SPEG: variants seen among roughly 807,000 people sequenced by gnomAD.
The protein encoded by SPEG is striated muscle preferentially expressed protein kinase.
A neutral mutation model predicts 300.4 loss-of-function variants in SPEG; 114 were observed. That is an observed-to-expected ratio of 0.38 (90% CI 0.33 to 0.44). SPEG has a LOEUF of 0.44. Ranked by LOEUF, SPEG falls within the 20% of genes least tolerant of loss-of-function variation. The pLI, the probability that SPEG is intolerant of heterozygous loss-of-function variation, is 1.00. For synonymous variants in SPEG, 1,964 were observed against 2,018.9 expected, an observed-to-expected ratio of 0.97 and a Z score of 0.73; for missense variants, 4,201 against 4,586.2, an observed-to-expected ratio of 0.92 and a Z score of 2.43.
In SPEG at chr2:219,481,689, A is replaced by C; in HGVS notation, c.5565+9A>C. The C allele has an allele frequency of 1.2e-6, 2 of 1,613,818 alleles. No homozygotes were observed. The highest frequency in any genetic ancestry group is 1.7e-6 in the Non-Finnish European group (2 of 1,179,662). On this transcript the variant is annotated intron_variant, in intron 28 of 40. Transcript: ENST00000312358. The surrounding 1 kb of genome is among the most constrained non-coding windows in gnomAD (Gnocchi z 5.4). Reference sequence around the variant, plus strand: ...AACATCCTTGGTTCAAAGTGAGTCTAGTCTGCAAAGTGGTGGCACAAAAGG... The same window carrying C: ...AACATCCTTGGTTCAAAGTGAGTCTCGTCTGCAAAGTGGTGGCACAAAAGG...
At position 219,444,915 on chromosome 2, in the gene SPEG, G is replaced by A. The variant is rs897545621; in HGVS notation, c.569G>A (p.Ser190Asn). The A allele has an allele frequency of 6.3e-6, 10 of 1,576,336 alleles. No homozygotes were observed. Among genetic ancestry groups the A allele is most frequent in the Non-Finnish European group, 8.6e-6 (10 of 1,161,420 alleles). ...GAGGAGCAAGTGAGCTGGTGGGGCAGCGGGCAGACGGTCCTGGAGCAGGAA... is the reference window on the plus strand; with the variant it reads ...GAGGAGCAAGTGAGCTGGTGGGGCAACGGGCAGACGGTCCTGGAGCAGGAA... ...TSEEQVSWWGSGQTVLEQEAG... is the reference protein window; with the variant it reads ...TSEEQVSWWGNGQTVLEQEAG... The change falls in exon 3 of 41, where the codon AGC (serine) becomes AAC (asparagine). Residue 190 changes from serine (S) to asparagine (N), a missense_variant. Transcript: ENST00000312358. This position sits in a 1 kb window ranked among gnomAD's most constrained non-coding sequence, Gnocchi z 7.8.
Position 219,492,803 on chromosome 2 carries a change from C to T in SPEG, c.*17C>T. 6.4e-7 allele frequency: 1 copy of T among 1,562,108 alleles called. No individual in the cohort carries two copies. The highest frequency in any genetic ancestry group is 1.9e-4 in the Middle Eastern group (1 of 5,168). ...GGCCCCTAGAGGCACGGACCACAGC[C>T]AGGCCTCGGGCTTCAACTGGGGTTC... is the stretch of plus-strand genomic sequence containing the variant. On this transcript the variant is annotated 3_prime_UTR_variant, in exon 41 of 41. Coordinates refer to ENST00000312358, the MANE Select transcript of SPEG (RefSeq NM_005876.5).
At chr2:219,449,515 G>C (rs1689580335) in intron 4 of SPEG, among the ~76,000 whole-genome samples, 1 of 152,164 alleles carries the variant, frequency 6.6e-6, no homozygotes, top group African/African-American at 2.4e-5. Flanking sequence ...ATGGAGGCTA[G>C]GTGAGGCTGA....
In SPEG at chr2:219,442,173, T is replaced by G. The variant is rs1191800057; in HGVS notation, c.389-2480T>G. 4.1e-5 allele frequency: 35 copies of G among 853,078 alleles called. No homozygotes were observed. The African/African-American group carries it at 5.9e-4, about 14-fold the overall frequency. The allele number at this position is 853,078 out of a possible 1,614,324, so 52.8% of individuals were successfully genotyped here. ...GGCGGGTCACCGCAGCTGGGCCCGG[T>G]GGAGGGGGCGCTGGATCGGCGCCTG... On this transcript the variant is annotated intron_variant, in intron 1 of 40. Coordinates refer to ENST00000312358, the MANE Select transcript of SPEG (RefSeq NM_005876.5).
At chr2:219,462,810 T>A (rs1488649479) in intron 8 of SPEG, among the ~76,000 whole-genome samples, 1 of 152,078 alleles carries the variant, frequency 6.6e-6, no homozygotes, top group Non-Finnish European at 1.5e-5. Flanking sequence ...CCCAGCTACT[T>A]GGGAGGCTGA....
rs780136663 is a variant in SPEG at position 219,448,386 on chromosome 2, C to A, written c.1228C>A (p.Arg410=). 12 of 1,552,208 alleles carry A rather than the reference C, an allele frequency of 7.7e-6. No individual in the cohort carries two copies. Among genetic ancestry groups the A allele is most frequent in the African/African-American group, 1.4e-5 (1 of 72,662 alleles). ...ILDKLQFFEE[R]RRSLERSDSP... is the part of the protein sequence containing the mutation. ...GGACAAGCTGCAGTTCTTCGAGGAGCGACGGCGCAGCCTGGAGCGCAGCGA... is the reference window on the plus strand; with the variant it reads ...GGACAAGCTGCAGTTCTTCGAGGAGAGACGGCGCAGCCTGGAGCGCAGCGA... Residue 410 remains arginine (R), a synonymous_variant, in exon 4 of 41, where the codon CGA becomes AGA. Coordinates refer to ENST00000312358, the MANE Select transcript of SPEG (RefSeq NM_005876.5).
In SPEG at chr2:219,484,323, C is replaced by T. The variant is rs770861376; in HGVS notation, c.6860C>T (p.Pro2287Leu). Residue 2287 changes from proline to leucine, a missense_variant, in exon 30 of 41, where the codon CCG becomes CTG. Physicochemically the swap from Pro to Leu is moderately conservative, Grantham distance 98. Coordinates refer to ENST00000312358, the MANE Select transcript of SPEG (RefSeq NM_005876.5). ...TTTGCCAGGGTGGCCTCCCCACCTC[C>T]GGGAGCCCCCGAGAAGCGCGTGCCC... Reference protein sequence around the residue: ...AVFARVASPPPGAPEKRVPSA... With the variant: ...AVFARVASPPLGAPEKRVPSA... The T allele has an allele frequency of 4.1e-5, 65 of 1,603,778 alleles. No homozygotes were observed. In the Middle Eastern group the frequency reaches 9.9e-4, roughly 24 times the overall value.
rs921024361 is a variant in SPEG, at chr2:219,445,311, A to G, written c.815+150A>G. The stretch of plus-strand genomic sequence containing the variant: ...CCCCCTGCTGCCACTCCATCTTCCC[A>G]CACTGCTCCCTCCTCCTCCTGAGCC... On this transcript the variant is annotated intron_variant, in intron 3 of 40. Coordinates refer to ENST00000312358, the MANE Select transcript of SPEG (RefSeq NM_005876.5). The surrounding 1 kb of genome is among the most constrained non-coding windows in gnomAD (Gnocchi z 6.1). The G allele has an allele frequency of 8.2e-5, 65 of 794,228 alleles. No individual in the cohort carries two copies. The African/African-American group carries it at 9.0e-4, about 11-fold the overall frequency. 49.2% of individuals were successfully genotyped at this position (794,228 alleles called of 1,614,324 possible). A position where few individuals can be genotyped will look rare whatever the true frequency, so the allele number is the denominator to read the frequency against.
In SPEG at chr2:219,445,242, C is replaced by A; in HGVS notation, c.815+81C>A. ...GCTGCCCTCACTGCTCAGTCAGCCT[C>A]CACCCATCACCCTGCCCCATCCATC... On this transcript the variant is annotated intron_variant, in intron 3 of 40. Coordinates refer to ENST00000312358, the MANE Select transcript of SPEG (RefSeq NM_005876.5). The surrounding 1 kb of genome is among the most constrained non-coding windows in gnomAD (Gnocchi z 6.1). 7.8e-7 allele frequency: 1 copy of A among 1,276,048 alleles called. No individual in the cohort carries two copies. Among genetic ancestry groups the A allele is most frequent in the Non-Finnish European group, 1.1e-6 (1 of 900,116 alleles). 79.0% of individuals were successfully genotyped at this position (1,276,048 alleles called of 1,614,324 possible).
chr2:219,487,577 C>T (rs1693556297), intron 31 of SPEG, among the ~76,000 whole-genome samples: 1 of 152,180 alleles, frequency 6.6e-6, no homozygotes, highest in South Asian at 2.1e-4. Flanking sequence ...GCTCTCACCA[C>T]TTAATTGACC....
Position 219,439,477 on chromosome 2 carries a change from G to T in SPEG, c.388+4112G>T, listed in dbSNP as rs545745125. On this transcript the variant is annotated intron_variant, in intron 1 of 40. Coordinates refer to ENST00000312358, the MANE Select transcript of SPEG (RefSeq NM_005876.5). The surrounding 1 kb of genome is among the most constrained non-coding windows in gnomAD (Gnocchi z 4.5). The stretch of plus-strand genomic sequence containing the variant: ...GAGAGAAGGGAGAAACTGAACTGAG[G>T]CAGGAAAGAGGAGACAAAAGGGAGG... Among the ~76,000 whole-genome samples, 5 of 152,314 alleles carry T rather than the reference G, an allele frequency of 3.3e-5. No homozygotes were observed. The East Asian group carries it at 5.8e-4, about 18-fold the overall frequency.
At chr2:219,485,211 G>A (rs1693278341) in intron 30 of SPEG, 135 bp from the exon 31 acceptor site, 2 of 1,483,000 alleles carry the variant, frequency 1.3e-6, no homozygotes, top group Non-Finnish European at 1.8e-6. Flanking sequence ...CAGGGCTGGA[G>A]GGGAGGAAAG....
intron 1 of SPEG, 84 bp downstream of exon 1, chr2:219,435,449 A>G: frequency 7.5e-7 from 1 of 1,335,628 alleles, no homozygotes; most frequent in African/African-American, 1.5e-5. Context: ...CGGGTAAGGT[A>G]CTGGATACTG....
rs1220670924 is a variant in SPEG at position 219,451,626 on chromosome 2, G to A, written c.2259G>A (p.Val753=). ...CCGGGTCCCTGTGCCTCCCCACAGT[G>A]TCCTGGCACAAGGATGGGTCAGCGC... ...CIITANPPPQ[V]SWHKDGSALR... Residue 753 remains valine, a splice_region_variant and synonymous_variant, in exon 6 of 41, where the codon GTG becomes GTA. Transcript: ENST00000312358. The surrounding 1 kb of genome is among the most constrained non-coding windows in gnomAD (Gnocchi z 6.4). The A allele has an allele frequency of 3.9e-6, 6 of 1,556,792 alleles. No homozygotes were observed. Among genetic ancestry groups the A allele is most frequent in the Non-Finnish European group, 5.2e-6 (6 of 1,152,362 alleles).
chr2:219,476,155 ATATG>A (rs1277546162), intron 18 of SPEG, among the ~76,000 whole-genome samples: 2 of 102,900 alleles, frequency 1.9e-5, no homozygotes, highest in Admixed American at 2.1e-4. Context: ...TGACCATGTG[ATATG>A]TATGGAGAAT....
Position 219,464,842 on chromosome 2 carries a change from T to G in SPEG, c.2881+234T>G. 2 of 504,584 alleles carry G rather than the reference T, an allele frequency of 4.0e-6. No individual in the cohort carries two copies. Among genetic ancestry groups the G allele is most frequent in the Non-Finnish European group, 7.1e-6 (2 of 282,782 alleles). 31.3% of individuals were successfully genotyped at this position (504,584 alleles called of 1,614,324 possible). A position where few individuals can be genotyped will look rare whatever the true frequency, so the allele number is the denominator to read the frequency against. ...GCTCAGCTTACTACACAACACCACC[T>G]TCCCTGTTGCTCCATCACGGAGCCC... On this transcript the variant is annotated intron_variant, in intron 9 of 40. Coordinates refer to ENST00000312358, the MANE Select transcript of SPEG (RefSeq NM_005876.5). This position sits in a 1 kb window ranked among gnomAD's most constrained non-coding sequence, Gnocchi z 4.5.
rs1315591056 is a variant in SPEG, at chr2:219,483,890, C to A, written c.6427C>A (p.Arg2143Ser). ...QGEAEPRGRH[R>S]RAGAPLEIPV... is the part of the protein sequence containing the mutation. ...TGAGGCGGAGCCCCGGGGCCGGCACCGCCGAGCGGGGGCGCCCCTCGAGAT... is the reference window on the plus strand; with the variant it reads ...TGAGGCGGAGCCCCGGGGCCGGCACAGCCGAGCGGGGGCGCCCCTCGAGAT... Residue 2143 changes from arginine to serine, a missense_variant, in exon 30 of 41, where the codon CGC (arginine) becomes AGC (serine). Arg to Ser is a moderately radical substitution (Grantham distance 110). Transcript: ENST00000312358. 1.3e-6 allele frequency: 2 copies of A among 1,599,904 alleles called. No homozygotes were observed. Among genetic ancestry groups the A allele is most frequent in the East Asian group, 2.2e-5 (1 of 44,764 alleles).
At position 219,473,139 on chromosome 2, in the gene SPEG, G is replaced by A. The variant is rs1481973753; in HGVS notation, c.4147+43G>A. 3.8e-6 allele frequency: 6 copies of A among 1,575,904 alleles called. No individual in the cohort carries two copies. Among genetic ancestry groups the A allele is most frequent in the Admixed American group, 1.8e-5 (1 of 56,858 alleles). On this transcript the variant is annotated intron_variant, in intron 16 of 40. Transcript: ENST00000312358. The surrounding 1 kb of genome is among the most constrained non-coding windows in gnomAD (Gnocchi z 4.6). ...TGTCGGGTGGGGGTGGGAGCTGCTG[G>A]GATGGGGAATGGGGGCCCTGTGGTG...
In SPEG at chr2:219,467,165, T is replaced by G. The variant is rs761571151; in HGVS notation, c.2882-9T>G. On this transcript the variant is annotated splice_polypyrimidine_tract_variant and intron_variant, in intron 9 of 40. Transcript: ENST00000312358. ...CTGTGCGTGGCCCCCGTGGCTGCTTTCCCCTCAGCACACCCTGAAAGCCGG... is the reference window on the plus strand; with the variant it reads ...CTGTGCGTGGCCCCCGTGGCTGCTTGCCCCTCAGCACACCCTGAAAGCCGG... The G allele has an allele frequency of 2.6e-6, 4 of 1,563,998 alleles. No homozygotes were observed. The African/African-American group carries it at 5.4e-5, about 21-fold the overall frequency.
Sources: allele counts gnomAD v4.1 joint callset (sites outside exome capture counted in the v4.1 genomes callset), GRCh38; gene constraint gnomAD v4.1.1; non-coding constraint Gnocchi (gnomAD v3.1); transcripts MANE v1.5; gene names NCBI Gene and HGNC (gene_info 2026-07-23, HGNC 2026-07-21).